The following ADAMTS2 variants were observed in gnomAD, a reference collection of about 807,000 sequenced individuals.
ADAMTS2 encodes A disintegrin and metalloproteinase with thrombospondin motifs 2.
In ADAMTS2, 50 loss-of-function variants were observed where a neutral mutation model predicts 123.0. That is an observed-to-expected ratio of 0.41 (90% CI 0.32 to 0.51). The LOEUF is 0.51. Ranked by LOEUF, ADAMTS2 falls within the 20% of genes least tolerant of loss-of-function variation. The pLI is 0.35. For synonymous variants in ADAMTS2, 678 were observed against 695.4 expected (o/e 0.98, Z 0.39); for missense variants, 1,494 against 1,705.2 (o/e 0.88, Z 2.18).
At position 179,234,799 on chromosome 5, in the gene ADAMTS2, C is replaced by T. The variant is rs549848697; in HGVS notation, c.689-27084G>A. Among the ~76,000 whole-genome samples the T allele has an allele frequency of 1.3e-5, 2 of 152,312 alleles. No homozygotes were observed. The highest frequency in any genetic ancestry group is 4.1e-4 in the South Asian group (2 of 4,832). The stretch of plus-strand genomic sequence containing the variant: ...CTCCTCCCAGACCTGGCCCCATCCG[C>T]TGCTGCTCCCTGCCCTTCACTCCCT... On this transcript the variant is annotated intron_variant, in intron 3 of 21. Transcript: ENST00000251582. The surrounding 1 kb of genome is among the most constrained non-coding windows in gnomAD (Gnocchi z 4.7).
rs1352028894 is a variant in ADAMTS2, at chr5:179,153,503, C to G, written c.1503G>C (p.Met501Ile). 1 of 1,609,612 alleles carries G rather than the reference C, an allele frequency of 6.2e-7. No individual in the cohort carries two copies. Residue 501 changes from methionine to isoleucine, a missense_variant, in exon 9 of 22, where the codon ATG (methionine) becomes ATC (isoleucine). Met to Ile is a conservative substitution (Grantham distance 10, BLOSUM62 1). Transcript: ENST00000251582. Reference sequence around the variant, plus strand: ...GCTGCACACTCACCGCCGTGCACATCATGTAGCCCAGGCCGAAGTCAAAGC... The same window carrying G: ...GCTGCACACTCACCGCCGTGCACATGATGTAGCCCAGGCCGAAGTCAAAGC... ...QCRFDFGLGY[M>I]MCTAFRTFDP...
intron 8 of ADAMTS2, 120 bp downstream of exon 8, chr5:179,153,929 C>G: frequency 7.2e-7 from 1 of 1,390,412 alleles, no homozygotes; most frequent in Non-Finnish European, 9.8e-7. Context: ...CTCCCCCGCA[C>G]ACAAGCTTAG....
intron 17 of ADAMTS2, among the ~76,000 whole-genome samples, chr5:179,127,214 G>T (rs1371373357): frequency 1.3e-5 from 2 of 152,174 alleles, no homozygotes; most frequent in Non-Finnish European, 2.9e-5. Flanking sequence ...AGGCCCAGGA[G>T]ATTTCAGGAA....
intron 3 of ADAMTS2, among the ~76,000 whole-genome samples, chr5:179,255,317 G>A (rs997402440): frequency 4.6e-5 from 7 of 152,288 alleles, no homozygotes; most frequent in African/African-American, 1.7e-4. Context: ...CAAGTGAACC[G>A]GGTAACAAAG....
At chr5:179,172,814 G>T (rs957366641) in intron 5 of ADAMTS2, among the ~76,000 whole-genome samples, 2 of 152,168 alleles carry the variant, frequency 1.3e-5, no homozygotes, top group African/African-American at 4.8e-5. Context: ...CAGTCAAACG[G>T]CATCATTTGG....
intron 2 of ADAMTS2, among the ~76,000 whole-genome samples, chr5:179,339,275 G>A (rs1757702669): frequency 6.6e-6 from 1 of 152,238 alleles, no homozygotes; most frequent in Admixed American, 6.5e-5. Flanking sequence ...CACCCAGAGA[G>A]GAGGGCTTTC....
chr5:179,113,921 T>C lies in ADAMTS2; in HGVS notation c.3582A>G (p.Arg1194=). The change falls in exon 22 of 22, where the codon AGA becomes AGG. Residue 1194 remains arginine, a synonymous_variant. Transcript: ENST00000251582. ...PSPYEKTRNQ[R]IQELIDEMRK... ...GCATCTCATCAATGAGCTCTTGGATTCTTTGGTTTCTGGTCTTTTCATAGG... is the reference window on the plus strand; with the variant it reads ...GCATCTCATCAATGAGCTCTTGGATCCTTTGGTTTCTGGTCTTTTCATAGG... 1.2e-6 allele frequency: 2 copies of C among 1,614,196 alleles called. No homozygotes were observed. The highest frequency in any genetic ancestry group is 1.7e-6 in the Non-Finnish European group (2 of 1,180,036).
At chr5:179,206,816 A>T (rs761542400) in intron 4 of ADAMTS2, among the ~76,000 whole-genome samples, 1 of 152,188 alleles carries the variant, frequency 6.6e-6, no homozygotes, top group Non-Finnish European at 1.5e-5. Flanking sequence ...TGTTGGGGGT[A>T]TGGAATGAGG....
At chr5:179,194,447 G>A (rs752740295) in intron 4 of ADAMTS2, among the ~76,000 whole-genome samples, 1 of 152,208 alleles carries the variant, frequency 6.6e-6, no homozygotes, top group Non-Finnish European at 1.5e-5. Flanking sequence ...AGAACAGGAG[G>A]ACACAGTAGA....
intron 2 of ADAMTS2, among the ~76,000 whole-genome samples, chr5:179,289,756 A>T (rs1017211168): frequency 6.6e-6 from 1 of 152,214 alleles, no homozygotes; most frequent in Admixed American, 6.5e-5. Context: ...ACAACTGGAC[A>T]TCCCAATGTG....
rs1291106995 is a variant in ADAMTS2 at position 179,234,339 on chromosome 5, A to G, written c.689-26624T>C. 1.3e-5 allele frequency among the ~76,000 whole-genome samples: 2 copies of G among 152,050 alleles called. No homozygotes were observed. Among genetic ancestry groups the G allele is most frequent in the Non-Finnish European group, 2.9e-5 (2 of 68,008 alleles). ...GAGAAGGCCTCACCATGCATCTCAG[A>G]GAGAAGTGGAGGCTGCACCCCCACA... On this transcript the variant is annotated intron_variant, in intron 3 of 21. Transcript: ENST00000251582. This position sits in a 1 kb window ranked among gnomAD's most constrained non-coding sequence, Gnocchi z 4.7.
At position 179,308,385 on chromosome 5, in the gene ADAMTS2, G is replaced by T. The variant is rs1756734673; in HGVS notation, c.535-35321C>A. On this transcript the variant is annotated intron_variant, in intron 2 of 21. Coordinates refer to ENST00000251582, the MANE Select transcript of ADAMTS2 (RefSeq NM_014244.5). The surrounding 1 kb of genome is among the most constrained non-coding windows in gnomAD (Gnocchi z 6.6). ...GAGAGAGCACTCGAAATGCCAGCTG[G>T]AAAGGTCACGCACGCCAGCTGGAAG... Among the ~76,000 whole-genome samples the T allele has an allele frequency of 6.6e-6, 1 of 152,128 alleles. No individual in the cohort carries two copies. Among genetic ancestry groups the T allele is most frequent in the Admixed American group, 6.5e-5 (1 of 15,288 alleles).
At chr5:179,152,868 C>T (rs1240363416) in intron 9 of ADAMTS2, among the ~76,000 whole-genome samples, 1 of 152,200 alleles carries the variant, frequency 6.6e-6, no homozygotes, top group Non-Finnish European at 1.5e-5. Context: ...GACTCTACCA[C>T]TTGCTCGCTT....
chr5:179,235,996 G>A (rs531961526), intron 3 of ADAMTS2, among the ~76,000 whole-genome samples: 1 of 152,222 alleles, frequency 6.6e-6, no homozygotes, highest in African/African-American at 2.4e-5. Flanking sequence ...CCACTAAACA[G>A]ATGAGAAGCT....
chr5:179,246,002 G>A (rs1247024380), intron 3 of ADAMTS2, among the ~76,000 whole-genome samples: 2 of 152,028 alleles, frequency 1.3e-5, no homozygotes, highest in Non-Finnish European at 1.5e-5. Flanking sequence ...TCTCAGAATC[G>A]ACTTTTTTGG....
chr5:179,212,262 G>A (rs1764873238), intron 3 of ADAMTS2, among the ~76,000 whole-genome samples: 1 of 145,154 alleles, frequency 6.9e-6, no homozygotes, highest in African/African-American at 2.6e-5. Context: ...GCAGGTGTGG[G>A]CTCTGAAGGC....
At position 179,115,505 on chromosome 5, in the gene ADAMTS2, A is replaced by G. The variant is rs1009904702; in HGVS notation, c.3179-1181T>C. The stretch of plus-strand genomic sequence containing the variant: ...TGCTCAGCTGCTCTCTACTCTCCAC[A>G]GTGATGACTTCAGACCTTTCCCACA... On this transcript the variant is annotated intron_variant, in intron 21 of 21. Transcript: ENST00000251582. This position sits in a 1 kb window ranked among gnomAD's most constrained non-coding sequence, Gnocchi z 4.4. Among the ~76,000 whole-genome samples, 7 of 152,062 alleles carry G rather than the reference A, an allele frequency of 4.6e-5. No individual in the cohort carries two copies. The highest frequency in any genetic ancestry group is 1.4e-4 in the African/African-American group (6 of 41,394).
At position 179,136,361 on chromosome 5, in the gene ADAMTS2, T is replaced by C. The variant is rs9286043; in HGVS notation, c.1952-319A>G. 0.45 allele frequency among the ~76,000 whole-genome samples: 68,436 copies of C among 151,960 alleles called. 15,880 individuals carry two copies. The highest frequency in any genetic ancestry group is 0.5 in the Non-Finnish European group (34,020 of 67,926). Reference sequence around the variant, plus strand: ...GGCTGCAAATGTCTGTTTGCTGGGTTGCTATCTAAAGAACCCTTTTCAGGC... The same window carrying C: ...GGCTGCAAATGTCTGTTTGCTGGGTCGCTATCTAAAGAACCCTTTTCAGGC... On this transcript the variant is annotated intron_variant, in intron 12 of 21. Transcript: ENST00000251582.
At chr5:179,289,616 C>T (rs1756130122) in intron 2 of ADAMTS2, among the ~76,000 whole-genome samples, 1 of 152,250 alleles carries the variant, frequency 6.6e-6, no homozygotes, top group African/African-American at 2.4e-5. Context: ...GAGTGGTTTG[C>T]TCATCAAGCC....
Sources: gnomAD v4.1 joint callset for allele counts (sites outside exome capture counted in the v4.1 genomes callset) on GRCh38, gnomAD v4.1.1 for gene constraint, Gnocchi (gnomAD v3.1) non-coding constraint, MANE v1.5 for transcripts, NCBI Gene and HGNC (gene_info 2026-07-23, HGNC 2026-07-21) for gene names.